Variants in ZRANB3 observed in about 807,000 individuals in gnomAD.
The protein encoded by ZRANB3 is DNA annealing helicase and endonuclease ZRANB3.
ZRANB3 carries 125 observed loss-of-function variants against 133.8 expected under a neutral mutation model. The observed-to-expected ratio is 0.93, with a 90% CI of 0.81 to 1.08. The LOEUF is 1.08. Among genes scored for constraint, ZRANB3 ranks in the 50% least tolerant of loss-of-function variants. The probability of loss-of-function intolerance (pLI) is 0.00; values close to 1 mark genes in which losing one functional copy is unlikely to be tolerated. For missense variants in ZRANB3, 1,229 were observed against 1,275.5 expected, an observed-to-expected ratio of 0.96 and a Z score of 0.56; for synonymous variants, 387 against 432.7, an observed-to-expected ratio of 0.89 and a Z score of 1.31.
chr2:135,420,073 C>CAT (rs1305904482), intron 2 of ZRANB3, among the ~76,000 whole-genome samples: 3 of 125,236 alleles, frequency 2.4e-5, no homozygotes, highest in South Asian at 2.7e-4. Context: ...ACGTAAGATA[C>CAT]ATATATATAT....
At chr2:135,467,343 T>C (rs1339639906) in intron 2 of ZRANB3, among the ~76,000 whole-genome samples, 1 of 152,202 alleles carries the variant, frequency 6.6e-6, no homozygotes. Context: ...TTCTAATCCA[T>C]ATAAGGTTGT....
intron 2 of ZRANB3, among the ~76,000 whole-genome samples, chr2:135,500,756 T>TAAA (rs760594100): frequency 2.7e-5 from 2 of 73,632 alleles, no homozygotes; most frequent in South Asian, 3.8e-4. Context: ...TACATATCAG[T>TAAA]AAAAAAAAAA....
chr2:135,517,917 C>T (rs1693766106), intron 1 of ZRANB3, among the ~76,000 whole-genome samples: 1 of 152,182 alleles, frequency 6.6e-6, no homozygotes, highest in Non-Finnish European at 1.5e-5. Flanking sequence ...TATCTATAAG[C>T]CCCTGACTGG....
At chr2:135,480,206 T>G (rs1691713159) in intron 2 of ZRANB3, among the ~76,000 whole-genome samples, 1 of 151,942 alleles carries the variant, frequency 6.6e-6, no homozygotes, top group Non-Finnish European at 1.5e-5. Flanking sequence ...CCTCCCAAAG[T>G]GCTGGGATTA....
At chr2:135,228,050 A>C (rs1332138146) in intron 13 of ZRANB3, 35 bp from the exon 14 acceptor site, 2 of 1,434,222 alleles carry the variant, frequency 1.4e-6, no homozygotes, top group Non-Finnish European at 1.9e-6. Flanking sequence ...AAATGTAATA[A>C]TTTACATTTA....
intron 3 of ZRANB3, among the ~76,000 whole-genome samples, chr2:135,355,583 C>G (rs953959248): frequency 4.6e-5 from 7 of 152,004 alleles, no homozygotes; most frequent in African/African-American, 1.7e-4. Context: ...TCTCAAACTC[C>G]CGACCTCAGG....
intron 3 of ZRANB3, among the ~76,000 whole-genome samples, chr2:135,371,256 C>T (rs1686166019): frequency 1.3e-5 from 2 of 152,158 alleles, no homozygotes; most frequent in South Asian, 4.1e-4. Flanking sequence ...GAACATTTCA[C>T]TTAATAAAAA....
chr2:135,201,195 C>A (rs764327490), intron 20 of ZRANB3, among the ~76,000 whole-genome samples: 1 of 152,130 alleles, frequency 6.6e-6, no homozygotes, highest in Non-Finnish European at 1.5e-5. Flanking sequence ...TCATGAGAAT[C>A]TAAAAAAATA....
intron 2 of ZRANB3, among the ~76,000 whole-genome samples, chr2:135,455,882 C>G (rs1280477032): frequency 1.3e-5 from 2 of 152,178 alleles, no homozygotes; most frequent in African/African-American, 4.8e-5. Context: ...GCATGAGCCA[C>G]CGCGCCCGGC....
chr2:135,264,787 C>T (rs1452023774), intron 12 of ZRANB3, among the ~76,000 whole-genome samples: 4 of 151,034 alleles, frequency 2.6e-5, no homozygotes, highest in Non-Finnish European at 4.4e-5. Context: ...CACTCTATCG[C>T]CCAGCCTGGA....
At chr2:135,500,411 AT>A (rs1574211644) in intron 2 of ZRANB3, among the ~76,000 whole-genome samples, 1 of 152,324 alleles carries the variant, frequency 6.6e-6, no homozygotes, top group African/African-American at 2.4e-5. Flanking sequence ...ATTATGGTAT[AT>A]TCACATGATG....
chr2:135,403,114 G>A (rs1157199910), intron 2 of ZRANB3, among the ~76,000 whole-genome samples: 1 of 152,152 alleles, frequency 6.6e-6, no homozygotes, highest in Non-Finnish European at 1.5e-5. Flanking sequence ...GTGCAGGACA[G>A]TAGGTGCAGT....
chr2:135,343,617 A>C (rs972519481), intron 6 of ZRANB3, among the ~76,000 whole-genome samples: 1 of 150,056 alleles, frequency 6.7e-6, no homozygotes, highest in African/African-American at 2.5e-5. Flanking sequence ...TTGGGAAACA[A>C]AACATGAGAG....
chr2:135,341,354 T>G (rs1392728446), intron 6 of ZRANB3, among the ~76,000 whole-genome samples: 1 of 149,964 alleles, frequency 6.7e-6, no homozygotes, highest in African/African-American at 2.5e-5. Context: ...TTCATGGACA[T>G]GTATCACTTC....
Position 135,230,649 on chromosome 2 carries a change from T to C in ZRANB3, c.1818A>G (p.Glu606=). The change falls in exon 13 of 21, where the codon GAA becomes GAG. Residue 606 remains glutamate, a synonymous_variant. Coordinates refer to ENST00000264159, the MANE Select transcript of ZRANB3 (RefSeq NM_032143.4). ...QSKQIRTPLV[E]SVQEAKAQLT... ...ACTGGGCCTTGGCCTCCTGTACACT[T>C]TCCACGAGTGGAGTTCGGATTTGCT... 6.2e-7 allele frequency: 1 copy of C among 1,613,770 alleles called. No individual in the cohort carries two copies. The highest frequency in any genetic ancestry group is 1.1e-5 in the South Asian group (1 of 90,962).
intron 3 of ZRANB3, among the ~76,000 whole-genome samples, chr2:135,374,523 T>G (rs1177672802): frequency 6.7e-6 from 1 of 149,428 alleles, no homozygotes; most frequent in Non-Finnish European, 1.5e-5. Context: ...TTTTTTGAGA[T>G]GGAGTTTCGC....
chr2:135,339,936 A>G (rs1424434859), intron 6 of ZRANB3, among the ~76,000 whole-genome samples: 2 of 152,134 alleles, frequency 1.3e-5, no homozygotes, highest in Non-Finnish European at 2.9e-5. Flanking sequence ...GACACCTTTT[A>G]AATTCTTACA....
intron 2 of ZRANB3, 84 bp from the exon 3 acceptor site, chr2:135,390,904 A>T: frequency 7.3e-7 from 1 of 1,373,650 alleles, no homozygotes; most frequent in Non-Finnish European, 9.6e-7. Context: ...CTCTGTCACC[A>T]GGCTGGAGTG....
chr2:135,400,052 C>G (rs1186374542), intron 2 of ZRANB3, among the ~76,000 whole-genome samples: 1 of 151,992 alleles, frequency 6.6e-6, no homozygotes, highest in Non-Finnish European at 1.5e-5. Flanking sequence ...CCAGCCTGGC[C>G]AACATGGTGA....
Sources: gnomAD v4.1 joint callset for allele counts (sites outside exome capture counted in the v4.1 genomes callset) on GRCh38, gnomAD v4.1.1 for gene constraint, MANE v1.5 for transcripts, NCBI Gene and HGNC (gene_info 2026-07-23, HGNC 2026-07-21) for gene names.